The following LAMB1 variants were observed in gnomAD, a reference collection of about 807,000 sequenced individuals.
LAMB1 encodes the protein laminin subunit beta 1, also known as laminin subunit beta-1.
LAMB1 carries 121 observed loss-of-function variants against 222.3 expected under a neutral mutation model. The ratio of observed to expected loss-of-function variants is 0.54; its 90% CI spans 0.47 to 0.63. The LOEUF (loss-of-function observed/expected upper bound fraction) is 0.63. Among genes scored for constraint, LAMB1 ranks in the 30% least tolerant of loss-of-function variants. LAMB1 has a pLI of 0.00. For synonymous variants in LAMB1, 794 were observed against 807.2 expected (o/e 0.98, Z 0.28); for missense variants, 2,172 against 2,240.8 (o/e 0.97, Z 0.62).
Position 107,972,993 on chromosome 7 carries a change from T to C in LAMB1, c.1561A>G (p.Ser521Gly), listed in dbSNP as rs2150437179. 6.2e-7 allele frequency: 1 copy of C among 1,612,170 alleles called. No individual in the cohort carries two copies. The highest frequency in any genetic ancestry group is 8.5e-7 in the Non-Finnish European group (1 of 1,178,206). ...DCDLGGALNN[S>G]CFAESGQCSC... is the part of the protein sequence containing the mutation. ...GAGCATACGTAGAGCTCCATTTACC[T>C]GTTGTTTAAGGCTCCCCCAAGGTCA... Residue 521 changes from serine (S) to glycine (G), a missense_variant and splice_region_variant, in exon 13 of 34, where the codon AGT (serine) becomes GGT (glycine). By Grantham distance (56) the Ser-to-Gly change is moderately conservative. Transcript: ENST00000222399.
intron 22 of LAMB1, 85 bp from the exon 23 acceptor site, chr7:107,952,308 G>T: frequency 1.0e-6 from 1 of 988,000 alleles, no homozygotes; most frequent in South Asian, 1.6e-5. Context: ...ATGCTAAGAT[G>T]TTCCCACTTC....
At chr7:107,954,305 G>T (rs570752298) in intron 21 of LAMB1, among the ~76,000 whole-genome samples, 2 of 151,574 alleles carry the variant, frequency 1.3e-5, no homozygotes, top group Admixed American at 6.6e-5. Flanking sequence ...CAGGTTTGCG[G>T]CACTACACCT....
intron 29 of LAMB1, among the ~76,000 whole-genome samples, chr7:107,931,094 C>T (rs1419826655): frequency 6.6e-6 from 1 of 152,184 alleles, no homozygotes; most frequent in East Asian, 1.9e-4. Context: ...TAACAAATTC[C>T]ACGTTCAATT....
Position 107,952,026 on chromosome 7 carries a change from C to G in LAMB1, c.3277G>C (p.Gly1093Arg). 6.2e-7 allele frequency: 1 copy of G among 1,611,740 alleles called. No individual in the cohort carries two copies. Among genetic ancestry groups the G allele is most frequent in the South Asian group, 1.1e-5 (1 of 90,944 alleles). ...PCNCNAAHSF[G>R]PSCNEFTGQC... The stretch of plus-strand genomic sequence containing the variant: ...CCCCTCACCTCATTGCAAGATGGCC[C>G]GAAGGAATGAGCAGCATTGCAGTTG... Residue 1093 changes from glycine to arginine, a missense_variant, in exon 23 of 34, where the codon GGG becomes CGG. Coordinates refer to ENST00000222399, the MANE Select transcript of LAMB1 (RefSeq NM_002291.3).
Position 107,975,362 on chromosome 7 carries a change from T to A in LAMB1, c.1241A>T (p.Tyr414Phe), listed in dbSNP as rs977328623. Reference protein sequence around the residue: ...GSQNEGICDSYTDFSTGLIAG... With the variant: ...GSQNEGICDSFTDFSTGLIAG... ...AATGAGACCAGTAGAAAAATCAGTATAGCTGTCACAAATTCCCTCATTTTG... is the reference window on the plus strand; with the variant it reads ...AATGAGACCAGTAGAAAAATCAGTAAAGCTGTCACAAATTCCCTCATTTTG... The change falls in exon 11 of 34, where the codon TAT (tyrosine) becomes TTT (phenylalanine). Residue 414 changes from tyrosine to phenylalanine, a missense_variant. Physicochemically the swap from Tyr to Phe is conservative, Grantham distance 22. Transcript: ENST00000222399. The A allele has an allele frequency of 1.2e-6, 2 of 1,613,772 alleles. No individual in the cohort carries two copies. Among genetic ancestry groups the A allele is most frequent in the African/African-American group, 2.7e-5 (2 of 74,918 alleles).
intron 18 of LAMB1, among the ~76,000 whole-genome samples, 159 bp from the exon 19 acceptor site, chr7:107,959,993 T>G (rs1562990039): frequency 6.6e-6 from 1 of 152,246 alleles, no homozygotes; most frequent in Non-Finnish European, 1.5e-5. Context: ...GAGGCAGAGT[T>G]GGCAGATCAA....
chr7:107,984,018 C>T (rs572894512), intron 7 of LAMB1, among the ~76,000 whole-genome samples: 2 of 152,224 alleles, frequency 1.3e-5, no homozygotes, highest in Admixed American at 6.5e-5. Flanking sequence ...TTCTATTAAA[C>T]GGAAATGCAA....
intron 21 of LAMB1, among the ~76,000 whole-genome samples, chr7:107,954,570 C>T (rs576773296): frequency 1.3e-5 from 2 of 152,028 alleles, no homozygotes; most frequent in East Asian, 1.9e-4. Context: ...GTCAGGAGAT[C>T]GAGACCATCC....
intron 22 of LAMB1, 21 bp downstream of exon 22, chr7:107,953,509 C>T: frequency 6.6e-7 from 1 of 1,522,926 alleles, no homozygotes; most frequent in Non-Finnish European, 9.1e-7. Context: ...AAGAAGTGGG[C>T]AGAATAAATG....
In LAMB1 at chr7:107,980,811, T is replaced by C. The variant is rs757566108; in HGVS notation, c.677A>G (p.Asn226Ser). 1.3e-6 allele frequency: 2 copies of C among 1,584,916 alleles called. No individual in the cohort carries two copies. The highest frequency in any genetic ancestry group is 2.2e-5 in the East Asian group (1 of 44,632). ...TCTCAAGTTGGTAATTTTTAATAAA[T>C]CTAGGAAGGTCATCAAGAAGATGAA... ...IEDPYSPRIQ[N>S]LLKITNLRIK... Residue 226 changes from asparagine (N) to serine (S), a missense_variant and splice_region_variant, in exon 8 of 34, where the codon AAT (asparagine) becomes AGT (serine). By Grantham distance (46) the Asn-to-Ser change is conservative. Coordinates refer to ENST00000222399, the MANE Select transcript of LAMB1 (RefSeq NM_002291.3).
intron 14 of LAMB1, 143 bp from the exon 15 acceptor site, chr7:107,963,206 T>C: frequency 4.0e-6 from 3 of 744,800 alleles, no homozygotes; most frequent in African/African-American, 1.8e-5. Flanking sequence ...TCTCCCCTAA[T>C]AGATTGTAAA....
chr7:107,938,238 C>G (rs1444524631), intron 25 of LAMB1, among the ~76,000 whole-genome samples: 1 of 152,110 alleles, frequency 6.6e-6, no homozygotes, highest in African/African-American at 2.4e-5. Flanking sequence ...AAAACTATAA[C>G]CCAACTCAAA....
Position 107,952,043 on chromosome 7 carries a change from T to C in LAMB1, c.3260A>G (p.Asn1087Ser). ...SGTGCDPCNC[N>S]AAHSFGPSCN... is the part of the protein sequence containing the mutation. ...AGATGGCCCGAAGGAATGAGCAGCA[T>C]TGCAGTTGCATGGGTCACAGCCAGT... The change falls in exon 23 of 34, where the codon AAT (asparagine) becomes AGT (serine). Residue 1087 changes from asparagine (N) to serine (S), a missense_variant. Coordinates refer to ENST00000222399, the MANE Select transcript of LAMB1 (RefSeq NM_002291.3). 1 of 1,613,798 alleles carries C rather than the reference T, an allele frequency of 6.2e-7. No homozygotes were observed. Among genetic ancestry groups the C allele is most frequent in the African/African-American group, 1.3e-5 (1 of 75,046 alleles).
chr7:107,964,714 C>T (rs2033592286), intron 13 of LAMB1, 27 bp from the exon 14 acceptor site: 1 of 1,613,368 alleles, frequency 6.2e-7, no homozygotes, highest in African/African-American at 1.3e-5. Context: ...GCCACATCAG[C>T]TGAGTTCATG....
intron 13 of LAMB1, among the ~76,000 whole-genome samples, chr7:107,969,054 C>A (rs1413127340): frequency 1.3e-5 from 2 of 151,942 alleles, no homozygotes; most frequent in African/African-American, 2.4e-5. Flanking sequence ...TTTGGGAGTC[C>A]GAGGCGAGCG....
At chr7:107,930,191 T>C (rs1165141351) in intron 29 of LAMB1, among the ~76,000 whole-genome samples, 1 of 152,132 alleles carries the variant, frequency 6.6e-6, no homozygotes, top group Admixed American at 6.5e-5. Flanking sequence ...ACCGGAATAA[T>C]GGGTTGTCAA....
intron 20 of LAMB1, 134 bp downstream of exon 20, chr7:107,959,115 C>T: frequency 1.4e-6 from 1 of 733,058 alleles, no homozygotes; most frequent in Non-Finnish European, 2.3e-6. Context: ...AAACAAGATC[C>T]TAGAAAATAG....
At position 107,951,271 on chromosome 7, in the gene LAMB1, CGCT is replaced by C; in HGVS notation, c.3343_3345del (p.Ser1115del). ...TCTCCCCAGAAGAGTTCCTGGCACTCGCTGCAGGTGCGGCCTCCAAACCCAGGC... is the reference window on the plus strand; with the variant it reads ...TCTCCCCAGAAGAGTTCCTGGCACTCGCAGGTGCGGCCTCCAAACCCAGGC... On this transcript the variant is annotated inframe_deletion, in exon 24 of 34. Coordinates refer to ENST00000222399, the MANE Select transcript of LAMB1 (RefSeq NM_002291.3). The C allele has an allele frequency of 6.2e-7, 1 of 1,614,184 alleles. No individual in the cohort carries two copies. Among genetic ancestry groups the C allele is most frequent in the East Asian group, 2.2e-5 (1 of 44,876 alleles).
In LAMB1 at chr7:107,947,982, TC is replaced by T. The variant is rs1236304991; in HGVS notation, c.3391+3243del. 6.8e-3 allele frequency among the ~76,000 whole-genome samples: 657 copies of T among 96,188 alleles called. 2 individuals carry two copies. The highest frequency in any genetic ancestry group is 0.02 in the South Asian group (53 of 2,596). 63.1% of individuals were successfully genotyped at this position (96,188 alleles called of 152,430 possible). ...GCCCCAACATTTTATATCTTCTTCT[TC>T]TTTTTTTTTTTTTTTTTTTGAGACA... On this transcript the variant is annotated intron_variant, in intron 24 of 33. Transcript: ENST00000222399.
Sources: allele counts gnomAD v4.1 joint callset (sites outside exome capture counted in the v4.1 genomes callset), GRCh38; gene constraint gnomAD v4.1.1; transcripts MANE v1.5; gene names NCBI Gene and HGNC (gene_info 2026-07-23, HGNC 2026-07-21).